The following CHIC2 variants were observed in gnomAD, a reference collection of about 807,000 sequenced individuals.
CHIC2 encodes cysteine-rich hydrophobic domain-containing protein 2.
CHIC2 carries 14 observed loss-of-function variants against 25.9 expected under a neutral mutation model. That is an observed-to-expected ratio of 0.54 (90% CI 0.36 to 0.85). CHIC2 has a LOEUF of 0.85. Among genes scored for constraint, CHIC2 ranks in the 40% least tolerant of loss-of-function variants. The pLI is 0.01. For missense variants in CHIC2, 146 were observed against 202.0 expected (o/e 0.72, Z 1.68); for synonymous variants, 70 against 72.0 (o/e 0.97, Z 0.14).
At chr4:54,065,291 A>G, upstream of CHIC2, 1 of 984,420 alleles carries the variant, frequency 1.0e-6, no homozygotes, top group South Asian at 4.7e-5. Flanking sequence ...ATGAAAAAAA[A>G]CTGATAAATT....
intron 3 of CHIC2, among the ~76,000 whole-genome samples, chr4:54,047,941 C>T (rs1055245802): frequency 6.6e-6 from 1 of 151,688 alleles, no homozygotes; most frequent in African/African-American, 2.4e-5. Flanking sequence ...GAATATAATA[C>T]ATTCAATCTA....
the CHIC2 span, among the ~76,000 whole-genome samples, chr4:54,075,519 A>G: frequency 6.6e-6 from 1 of 152,166 alleles, no homozygotes; most frequent in Non-Finnish European, 1.5e-5. Context: ...AAGGGGAAAA[A>G]TCAGGCAAAG....
the CHIC2 span, among the ~76,000 whole-genome samples, chr4:54,085,583 C>G: frequency 1.2e-4 from 19 of 152,208 alleles, no homozygotes; most frequent in African/African-American, 3.9e-4. Flanking sequence ...TCCAAATGAG[C>G]TCTAGCTAAC....
At chr4:54,028,353 A>G (rs1452446158) in intron 3 of CHIC2, among the ~76,000 whole-genome samples, 1 of 152,188 alleles carries the variant, frequency 6.6e-6, no homozygotes, top group African/African-American at 2.4e-5. Flanking sequence ...ATAGCAGGAA[A>G]AGCATGAAAT....
chr4:54,080,072 A>T, the CHIC2 span, among the ~76,000 whole-genome samples: 1 of 151,234 alleles, frequency 6.6e-6, no homozygotes, highest in South Asian at 2.1e-4. Context: ...TTATGATATC[A>T]ACTTAAGTAT....
intron 3 of CHIC2, among the ~76,000 whole-genome samples, chr4:54,034,684 C>G (rs1007429879): frequency 7.9e-5 from 12 of 152,122 alleles, no homozygotes. Flanking sequence ...TCTTCATAGA[C>G]AAACATGTCA....
chr4:54,018,022 A>G (rs1379543292), intron 3 of CHIC2, among the ~76,000 whole-genome samples: 1 of 152,198 alleles, frequency 6.6e-6, no homozygotes, highest in East Asian at 1.9e-4. Flanking sequence ...TAGTAGTAAC[A>G]TAAGAATAGA....
intron 3 of CHIC2, among the ~76,000 whole-genome samples, chr4:54,046,040 C>T (rs1441781106): frequency 4.0e-5 from 6 of 151,394 alleles, no homozygotes; most frequent in Non-Finnish European, 7.4e-5. Context: ...TGAGTGAACT[C>T]CCATTCACAA....
At chr4:54,086,497 CA>C in the CHIC2 span, among the ~76,000 whole-genome samples, 9 of 152,232 alleles carry the variant, frequency 5.9e-5, no homozygotes, top group East Asian at 1.2e-3. Flanking sequence ...ACCCAGTAGA[CA>C]TAAATATCCT....
At chr4:54,015,988 C>T (rs966833662) in intron 3 of CHIC2, among the ~76,000 whole-genome samples, 1 of 152,166 alleles carries the variant, frequency 6.6e-6, no homozygotes, top group Admixed American at 6.5e-5. Context: ...CCTGCCCACC[C>T]GCTGCTAAAC....
chr4:54,065,134 C>T (rs757253591), upstream of CHIC2, among the ~76,000 whole-genome samples: 6 of 152,178 alleles, frequency 3.9e-5, no homozygotes, highest in Admixed American at 6.5e-5. Context: ...ACACTGCAAA[C>T]ATTTGTGCTC....
Position 54,010,016 on chromosome 4 carries a change from G to T in CHIC2, c.*79C>A. ...CACGATTCTGTAGAACCAATGTTAT[G>T]TCACCACCAGGAGAGCACCAAGCAA... On this transcript the variant is annotated 3_prime_UTR_variant, in exon 6 of 6. Transcript: ENST00000263921. The T allele has an allele frequency of 1.3e-5, 11 of 863,438 alleles. No individual in the cohort carries two copies. Among genetic ancestry groups the T allele is most frequent in the Non-Finnish European group, 1.7e-5 (9 of 540,354 alleles). 53.5% of individuals were successfully genotyped at this position (863,438 alleles called of 1,614,324 possible). A position where few individuals can be genotyped will look rare whatever the true frequency, so the allele number is the denominator to read the frequency against.
At chr4:54,089,041 TA>T in the CHIC2 span, among the ~76,000 whole-genome samples, 59 of 152,252 alleles carry the variant, frequency 3.9e-4, no homozygotes, top group South Asian at 0.012. Flanking sequence ...TGCAAGTGTA[TA>T]AAACTGTAGG....
chr4:54,068,173 T>C (rs1372522412), upstream of CHIC2, among the ~76,000 whole-genome samples: 1 of 152,146 alleles, frequency 6.6e-6, no homozygotes, highest in Non-Finnish European at 1.5e-5. Context: ...AACTGTGAGC[T>C]AAATTTCTGT....
Position 54,014,128 on chromosome 4 carries a change from C to G in CHIC2, c.331-9G>C. 6.2e-7 allele frequency: 1 copy of G among 1,612,214 alleles called. No homozygotes were observed. Among genetic ancestry groups the G allele is most frequent in the Non-Finnish European group, 8.5e-7 (1 of 1,179,132 alleles). On this transcript the variant is annotated splice_polypyrimidine_tract_variant and intron_variant, in intron 3 of 5. Transcript: ENST00000263921. ...TCAATCGATCTTCGTGTCTGGAAGA[C>G]AAATGAGAAAAAAGTTTACTCTTGA...
chr4:54,030,526 A>AG (rs1560386540), intron 3 of CHIC2, among the ~76,000 whole-genome samples: 1 of 67,738 alleles, frequency 1.5e-5, no homozygotes, highest in Non-Finnish European at 3.7e-5. Flanking sequence ...CTCAAAAGAA[A>AG]AAAAAAAAAA....
intron 1 of CHIC2, chr4:54,060,130 T>G (rs1272945828): frequency 6.6e-6 from 1 of 152,216 alleles, no homozygotes; most frequent in African/African-American, 2.4e-5. Flanking sequence ...AGACAATTTT[T>G]TACTAACTCT....
At chr4:54,016,565 T>C (rs1715744827) in intron 3 of CHIC2, among the ~76,000 whole-genome samples, 1 of 152,220 alleles carries the variant, frequency 6.6e-6, no homozygotes, top group Non-Finnish European at 1.5e-5. Context: ...ACATTCTGAA[T>C]AAGCATATAA....
chr4:54,019,271 A>G (rs1190103206), intron 3 of CHIC2, among the ~76,000 whole-genome samples: 1 of 152,112 alleles, frequency 6.6e-6, no homozygotes, highest in East Asian at 1.9e-4. Context: ...ATGATTTCTC[A>G]AAAGGATTTT....
Sources: gnomAD v4.1 joint callset for allele counts (sites outside exome capture counted in the v4.1 genomes callset) on GRCh38, gnomAD v4.1.1 for gene constraint, MANE v1.5 for transcripts, NCBI Gene and HGNC (gene_info 2026-07-23, HGNC 2026-07-21) for gene names.